GRIK2: variants seen among roughly 807,000 people sequenced by gnomAD.
GRIK2 encodes glutamate ionotropic receptor kainate type subunit 2.
Under a neutral mutation model 100.3 loss-of-function variants are expected in GRIK2, and 32 were observed. The ratio of observed to expected loss-of-function variants is 0.32; its 90% CI spans 0.24 to 0.43. The LOEUF is 0.43. GRIK2 is among the 20% of genes least tolerant of loss of function. The pLI is 1.00. For missense variants in GRIK2, 843 were observed against 1,114.9 expected, an observed-to-expected ratio of 0.76 and a Z score of 3.47; for synonymous variants, 417 against 389.4, an observed-to-expected ratio of 1.07 and a Z score of -0.83.
intron 4 of GRIK2, among the ~76,000 whole-genome samples, chr6:101,668,064 A>G (rs1039745654): frequency 1.3e-5 from 2 of 152,186 alleles, no homozygotes; most frequent in Non-Finnish European, 2.9e-5. Flanking sequence ...AAAATTTCAA[A>G]GAAAGAAGGC....
At chr6:101,579,465 TTC>T (rs1049758716) in intron 2 of GRIK2, among the ~76,000 whole-genome samples, 1 of 151,778 alleles carries the variant, frequency 6.6e-6, no homozygotes, top group Non-Finnish European at 1.5e-5. Context: ...TTCTTTCGCT[TTC>T]TCTCTTTTTT....
intron 14 of GRIK2, among the ~76,000 whole-genome samples, chr6:101,942,565 A>G (rs1791021224): frequency 1.3e-5 from 2 of 152,152 alleles, no homozygotes; most frequent in Non-Finnish European, 1.5e-5. Context: ...TGATGAACTT[A>G]TTGGGAACTG....
chr6:101,744,723 C>A, intron 7 of GRIK2: 1 of 153,180 alleles, frequency 6.5e-6, no homozygotes. Flanking sequence ...AGATTACAGG[C>A]ACACACCACT....
At chr6:101,889,502 A>G (rs1786890744) in intron 11 of GRIK2, 138 bp from the exon 12 acceptor site, 8 of 559,406 alleles carry the variant, frequency 1.4e-5, no homozygotes, top group South Asian at 2.6e-5. Flanking sequence ...ATTTTAACAT[A>G]ATCGTTACTG....
intron 2 of GRIK2, among the ~76,000 whole-genome samples, chr6:101,614,546 T>C (rs1291403989): frequency 6.6e-6 from 1 of 151,718 alleles, no homozygotes; most frequent in African/African-American, 2.4e-5. Flanking sequence ...GCATGTCATT[T>C]AATAGCCAAA....
At chr6:101,899,102 G>GTT (rs1171630693) in intron 12 of GRIK2, among the ~76,000 whole-genome samples, 2 of 130,200 alleles carry the variant, frequency 1.5e-5, no homozygotes, top group African/African-American at 2.7e-5. Context: ...TGTTGTTTTT[G>GTT]TTTTTTTTTT....
intron 14 of GRIK2, among the ~76,000 whole-genome samples, chr6:101,940,040 T>C (rs1297200936): frequency 6.6e-6 from 1 of 152,140 alleles, no homozygotes; most frequent in Non-Finnish European, 1.5e-5. Context: ...GAAGCCCCCT[T>C]GGAAATTTAG....
At chr6:101,659,172 T>C (rs1445251965) in intron 4 of GRIK2, among the ~76,000 whole-genome samples, 1 of 152,212 alleles carries the variant, frequency 6.6e-6, no homozygotes, top group Non-Finnish European at 1.5e-5. Flanking sequence ...CTTTAATCCA[T>C]CTTGAGTTAA....
chr6:101,515,427 T>A (rs1774535392), intron 2 of GRIK2, among the ~76,000 whole-genome samples: 1 of 152,294 alleles, frequency 6.6e-6, no homozygotes, highest in East Asian at 1.9e-4. Flanking sequence ...TCTGGGTAGA[T>A]ACCCAGTAGT....
intron 14 of GRIK2, among the ~76,000 whole-genome samples, chr6:101,967,401 A>AAT (rs1349473846): frequency 2.0e-5 from 3 of 152,068 alleles, no homozygotes; most frequent in African/African-American, 7.2e-5. Context: ...ATTATTTTAA[A>AAT]ATATTCTATG....
At chr6:101,896,473 A>AT (rs1469617402) in intron 12 of GRIK2, among the ~76,000 whole-genome samples, 3 of 151,792 alleles carry the variant, frequency 2.0e-5, no homozygotes, top group African/African-American at 4.8e-5. Flanking sequence ...GCTAGTTGGC[A>AT]TTTTTTAAGG....
chr6:101,416,909 C>T (rs1776165766), intron 2 of GRIK2, among the ~76,000 whole-genome samples: 1 of 152,150 alleles, frequency 6.6e-6, no homozygotes, highest in Admixed American at 6.6e-5. Flanking sequence ...GGAGTTACAT[C>T]TTGGCCTGCT....
chr6:102,003,736 C>A (rs1795065147), intron 14 of GRIK2, among the ~76,000 whole-genome samples: 1 of 151,706 alleles, frequency 6.6e-6, no homozygotes, highest in Admixed American at 6.6e-5. Flanking sequence ...ATTCCTTTGA[C>A]TTCTCACATC....
intron 7 of GRIK2, among the ~76,000 whole-genome samples, chr6:101,768,665 A>G (rs1778189025): frequency 6.6e-6 from 1 of 151,440 alleles, no homozygotes; most frequent in Non-Finnish European, 1.5e-5. Flanking sequence ...GTTTAGGCAC[A>G]CAGCTATATA....
chr6:101,945,920 T>C (rs2128477267), intron 14 of GRIK2, among the ~76,000 whole-genome samples: 1 of 151,664 alleles, frequency 6.6e-6, no homozygotes, highest in Non-Finnish European at 1.5e-5. Context: ...GTTTTTTTTT[T>C]TTTTTCATTT....
At chr6:102,060,857 C>A (rs1243088493) in intron 16 of GRIK2, among the ~76,000 whole-genome samples, 1 of 150,372 alleles carries the variant, frequency 6.7e-6, no homozygotes, top group Non-Finnish European at 1.5e-5. Flanking sequence ...ATGCGTTTCA[C>A]AGCTATATTG....
intron 14 of GRIK2, among the ~76,000 whole-genome samples, chr6:102,018,766 A>C (rs1769264502): frequency 6.6e-6 from 1 of 152,086 alleles, no homozygotes; most frequent in Non-Finnish European, 1.5e-5. Context: ...TTACTTGGTA[A>C]GACATAATAA....
At chr6:101,804,864 C>A (rs1038704355) in intron 9 of GRIK2, among the ~76,000 whole-genome samples, 2 of 151,806 alleles carry the variant, frequency 1.3e-5, no homozygotes, top group African/African-American at 4.8e-5. Context: ...ATTGAAAATT[C>A]CATTTTGACA....
intron 2 of GRIK2, among the ~76,000 whole-genome samples, chr6:101,528,434 G>T (rs1458347676): frequency 2.6e-5 from 4 of 152,096 alleles, no homozygotes; most frequent in African/African-American, 2.4e-5. Flanking sequence ...GTCAATTAAG[G>T]TTAGGTTTTG....
Sources: allele counts gnomAD v4.1 joint callset (sites outside exome capture counted in the v4.1 genomes callset), GRCh38; gene constraint gnomAD v4.1.1; transcripts MANE v1.5; gene names NCBI Gene and HGNC (gene_info 2026-07-23, HGNC 2026-07-21).